The following ARSB variants were observed in gnomAD, a reference collection of about 807,000 sequenced individuals.
The protein encoded by ARSB is N-acetylgalactosamine-4-sulfatase.
In ARSB, 41 loss-of-function variants were observed where a neutral mutation model predicts 50.9. That is an observed-to-expected ratio of 0.81 (90% CI 0.63 to 1.04). The LOEUF (loss-of-function observed/expected upper bound fraction) is 1.04, where lower values mean the gene tolerates loss of function less well. Among genes scored for constraint, ARSB ranks in the 50% least tolerant of loss-of-function variants. The pLI is 0.00. For synonymous variants in ARSB, 269 were observed against 284.8 expected (o/e 0.94, Z 0.56); for missense variants, 672 against 693.3 (o/e 0.97, Z 0.35).
chr5:78,848,640 A>C (rs577653147), intron 5 of ARSB, among the ~76,000 whole-genome samples: 2,176 of 150,794 alleles, frequency 0.014, 61 homozygotes, highest in African/African-American at 0.052. Flanking sequence ...CTGAGGAATC[A>C]TCACACTGAC....
At chr5:78,978,270 C>T (rs372390874) in intron 1 of ARSB, among the ~76,000 whole-genome samples, 9 of 149,796 alleles carry the variant, frequency 6.0e-5, no homozygotes, top group African/African-American at 2.2e-4. Context: ...ACCCATGAGG[C>T]AGAGGTTATA....
At chr5:78,872,248 G>A (rs943369333) in intron 5 of ARSB, among the ~76,000 whole-genome samples, 21 of 151,630 alleles carry the variant, frequency 1.4e-4, no homozygotes, top group African/African-American at 4.8e-4. Flanking sequence ...CATTGTGGAA[G>A]TCAGTGTGGC....
intron 6 of ARSB, among the ~76,000 whole-genome samples, chr5:78,819,728 A>G (rs975428327): frequency 6.6e-6 from 1 of 152,236 alleles, no homozygotes; most frequent in Non-Finnish European, 1.5e-5. Context: ...AGAGCTCAGG[A>G]GATGGCAGAG....
intron 4 of ARSB, among the ~76,000 whole-genome samples, chr5:78,886,262 A>G (rs1748026901): frequency 6.6e-6 from 1 of 152,248 alleles, no homozygotes. Flanking sequence ...AGGTGGAGAC[A>G]AAAACTGACC....
At position 78,799,038 on chromosome 5, in the gene ARSB, T is replaced by C. The variant is rs1212348404; in HGVS notation, c.1214-17064A>G. Among the ~76,000 whole-genome samples, 7 of 152,240 alleles carry C rather than the reference T, an allele frequency of 4.6e-5. No individual in the cohort carries two copies. In the East Asian group the frequency reaches 7.7e-4, roughly 17 times the overall value. On this transcript the variant is annotated intron_variant, in intron 6 of 7. Transcript: ENST00000264914. ...AGCCCCCGAAAGTAAGGACGTTTTA[T>C]ATTTTGAGAAGTTATCAGGGTTTCA... is the stretch of plus-strand genomic sequence containing the variant.
chr5:78,907,573 T>C (rs1398063003), intron 4 of ARSB, among the ~76,000 whole-genome samples: 1 of 152,214 alleles, frequency 6.6e-6, no homozygotes, highest in Non-Finnish European at 1.5e-5. Flanking sequence ...TTTATTTGGG[T>C]TAATTCCTAA....
intron 6 of ARSB, among the ~76,000 whole-genome samples, chr5:78,804,977 A>T (rs16875947): frequency 0.25 from 38,688 of 152,152 alleles, 7,161 homozygotes; most frequent in African/African-American, 0.52. Context: ...CCAACCAGAG[A>T]CCATTAGCAG....
intron 6 of ARSB, among the ~76,000 whole-genome samples, chr5:78,820,653 G>C (rs769794573): frequency 6.6e-6 from 1 of 152,166 alleles, no homozygotes; most frequent in Non-Finnish European, 1.5e-5. Context: ...GAATAAAGTA[G>C]ACCTTTATCA....
At chr5:78,864,912 C>T in intron 5 of ARSB, among the ~76,000 whole-genome samples, 1 of 152,216 alleles carries the variant, frequency 6.6e-6, no homozygotes, top group East Asian at 1.9e-4. Context: ...ACATCCAGGT[C>T]ACGCTGATGC....
intron 6 of ARSB, among the ~76,000 whole-genome samples, chr5:78,829,288 A>C (rs1744571799): frequency 6.6e-6 from 1 of 152,274 alleles, no homozygotes; most frequent in South Asian, 2.1e-4. Flanking sequence ...AGTGATAGAA[A>C]ACTAATAGTG....
chr5:78,937,301 TATATATATC>T (rs1750655213), intron 4 of ARSB, among the ~76,000 whole-genome samples: 1 of 123,402 alleles, frequency 8.1e-6, no homozygotes, highest in Non-Finnish European at 1.7e-5. Flanking sequence ...ATATGTAAGA[TATATATATC>T]ATATATATGT....
chr5:78,797,718 T>A (rs1255556329), intron 6 of ARSB, among the ~76,000 whole-genome samples: 1 of 152,200 alleles, frequency 6.6e-6, no homozygotes. Context: ...TATATTCAGC[T>A]GCCCCTAAGA....
intron 7 of ARSB, 71 bp from the exon 8 acceptor site, chr5:78,780,733 C>A: frequency 6.3e-7 from 1 of 1,583,844 alleles, no homozygotes; most frequent in Non-Finnish European, 8.6e-7. Context: ...GGGAAGGAGT[C>A]TGAGGCCAAG....
chr5:78,813,488 T>C (rs1051447361), intron 6 of ARSB, among the ~76,000 whole-genome samples: 1 of 152,230 alleles, frequency 6.6e-6, no homozygotes, highest in African/African-American at 2.4e-5. Context: ...CCAGGCACAG[T>C]GACTCACACC....
chr5:78,796,820 A>T (rs1368842574), intron 6 of ARSB, among the ~76,000 whole-genome samples: 2 of 148,032 alleles, frequency 1.4e-5, no homozygotes, highest in Admixed American at 1.3e-4. Flanking sequence ...TGCCCAGCTA[A>T]TTTTTGTATT....
chr5:78,969,323 G>A (rs968889496), intron 1 of ARSB, 131 bp from the exon 2 acceptor site: 6 of 970,356 alleles, frequency 6.2e-6, no homozygotes, highest in African/African-American at 4.9e-5. Context: ...GTACTGGCTT[G>A]AGGATATTTC....
chr5:78,909,292 T>C (rs545975520), intron 4 of ARSB, among the ~76,000 whole-genome samples: 1 of 152,326 alleles, frequency 6.6e-6, no homozygotes, highest in South Asian at 2.1e-4. Context: ...ACAGCAACTT[T>C]TGGGTTTATT....
rs114311555 is a variant in ARSB at position 78,839,303 on chromosome 5, C to T, written c.1213+53G>A. The T allele has an allele frequency of 1.2e-3, 1,877 of 1,549,416 alleles. 16 individuals carry two copies. The African/African-American group carries it at 0.02, about 17-fold the overall frequency. ...GCTAGAGACACACTAGGTAATCAAA[C>T]CATCTTGGTGGGCCAATTAGATTTA... On this transcript the variant is annotated intron_variant, in intron 6 of 7. Transcript: ENST00000264914.
At chr5:78,801,295 C>T (rs1418285694) in intron 6 of ARSB, among the ~76,000 whole-genome samples, 1 of 152,102 alleles carries the variant, frequency 6.6e-6, no homozygotes, top group African/African-American at 2.4e-5. Context: ...TAAATACGTA[C>T]CTTAGCATTC....
Sources: allele counts gnomAD v4.1 joint callset (sites outside exome capture counted in the v4.1 genomes callset), GRCh38; gene constraint gnomAD v4.1.1; transcripts MANE v1.5; gene names NCBI Gene and HGNC (gene_info 2026-07-23, HGNC 2026-07-21).